Variants in CLCN4 observed in about 807,000 individuals in gnomAD.
CLCN4 encodes Cl-/H+ antiporter 4, also known as H(+)/Cl(-) exchange transporter 4.
A neutral mutation model predicts 41.7 loss-of-function variants in CLCN4; 1 was observed. The ratio of observed to expected loss-of-function variants is 0.02; its 90% CI spans 0.01 to 0.11. CLCN4 has a LOEUF of 0.11. Among genes scored for constraint, CLCN4 ranks in the 10% least tolerant of loss-of-function variants. The pLI is 1.00. For synonymous variants in CLCN4, 277 were observed against 285.8 expected (o/e 0.97, Z 0.31); for missense variants, 287 against 661.0 (o/e 0.43, Z 6.20).
intron 6 of CLCN4, among the ~76,000 whole-genome samples, chrX:10,199,998 G>C (rs554041325): frequency 9.0e-6 from 1 of 111,434 alleles, no homozygotes; most frequent in East Asian, 2.8e-4. Flanking sequence ...TGATCCATCC[G>C]CCTCGGCCTC....
At chrX:10,177,067 TTCGTACAGC>T (rs1370006224) in intron 2 of CLCN4, among the ~76,000 whole-genome samples, 1 of 112,813 alleles carries the variant, frequency 8.9e-6, no homozygotes, top group Admixed American at 9.3e-5. Context: ...ACTGCCTGCT[TTCGTACAGC>T]TTATGAGCTA....
At chrX:10,218,437 G>T (rs931036371) in intron 11 of CLCN4, among the ~76,000 whole-genome samples, 1 of 111,962 alleles carries the variant, frequency 8.9e-6, no homozygotes, top group African/African-American at 3.3e-5. Flanking sequence ...CATCCCCTGG[G>T]TGAGGAGTTA....
At chrX:10,175,953 T>C (rs560583123) in intron 2 of CLCN4, among the ~76,000 whole-genome samples, 6,466 of 51,585 alleles carry the variant, frequency 0.13, 251 homozygotes, top group East Asian at 0.26. Context: ...TCCCTCTCTC[T>C]CTCTCTCTCT....
At chrX:10,215,874 A>G (rs991021365) in intron 11 of CLCN4, among the ~76,000 whole-genome samples, 1 of 111,983 alleles carries the variant, frequency 8.9e-6, no homozygotes, top group African/African-American at 3.2e-5. Context: ...TGTAAATACT[A>G]CCTATATGCT....
At position 10,158,425 on chromosome X, in the gene CLCN4, G is replaced by T. The variant is rs866128637; in HGVS notation, c.-138G>T. 1.9e-3 allele frequency: 565 copies of T among 296,817 alleles called. 3 individuals carry two copies. Among genetic ancestry groups the T allele is most frequent in the African/African-American group, 0.014 (518 of 36,930 alleles). The allele number at this position is 296,817 out of a possible 1,213,427, so 24.5% of individuals were successfully genotyped here. On this transcript the variant is annotated 5_prime_UTR_variant, in exon 2 of 13. Coordinates refer to ENST00000380833, the MANE Select transcript of CLCN4 (RefSeq NM_001830.4). ...GCACACCTCCCTGCCTCGCCCCGAG[G>T]GCGTCACGTGGCAGCGTGGGGCCCG...
intron 2 of CLCN4, among the ~76,000 whole-genome samples, chrX:10,171,107 C>T (rs1315546492): frequency 9.0e-6 from 1 of 111,695 alleles, no homozygotes; most frequent in East Asian, 2.8e-4. Flanking sequence ...AGGCTGGTCT[C>T]GAGCTCCTGA....
intron 2 of CLCN4, among the ~76,000 whole-genome samples, chrX:10,159,017 C>T (rs1417908919): frequency 8.9e-6 from 1 of 112,765 alleles, no homozygotes; most frequent in Non-Finnish European, 1.9e-5. Context: ...AAAGCAAAAG[C>T]GGGCTGGGGA....
At chrX:10,162,086 T>C (rs1403638045) in intron 2 of CLCN4, among the ~76,000 whole-genome samples, 1 of 100,962 alleles carries the variant, frequency 9.9e-6, no homozygotes, top group East Asian at 3.5e-4. Flanking sequence ...GGTAGCGATC[T>C]CAGCTCACTG....
At chrX:10,161,355 G>C (rs968473855) in intron 2 of CLCN4, among the ~76,000 whole-genome samples, 12 of 111,930 alleles carry the variant, frequency 1.1e-4, no homozygotes, top group Admixed American at 9.4e-5. Flanking sequence ...GGGCAGGCCT[G>C]TCACGCTCCT....
At chrX:10,214,787 G>A (rs774867755) in intron 11 of CLCN4, among the ~76,000 whole-genome samples, 1 of 112,081 alleles carries the variant, frequency 8.9e-6, no homozygotes, top group African/African-American at 3.2e-5. Context: ...ACGACAGGTG[G>A]ATCAGAGAAG....
intron 2 of CLCN4, among the ~76,000 whole-genome samples, chrX:10,171,396 T>C (rs969041664): frequency 1.8e-5 from 2 of 112,102 alleles, no homozygotes; most frequent in African/African-American, 6.5e-5. Flanking sequence ...TAAAATGCCA[T>C]GTGATGCTGC....
chrX:10,167,530 T>C (rs940567133), intron 2 of CLCN4, among the ~76,000 whole-genome samples: 4 of 111,962 alleles, frequency 3.6e-5, no homozygotes, highest in Admixed American at 9.4e-5. Context: ...GTGTCACCAA[T>C]AGGATACCGT....
intron 2 of CLCN4, among the ~76,000 whole-genome samples, chrX:10,182,672 C>T (rs1008303891): frequency 2.7e-5 from 3 of 112,320 alleles, no homozygotes; most frequent in African/African-American, 3.2e-5. Context: ...GTGATCCACC[C>T]GCCTCGGCCT....
chrX:10,157,067 G>A lies in CLCN4; in HGVS notation c.-308G>A, dbSNP rs1922971141. On this transcript the variant is annotated 5_prime_UTR_variant, in exon 1 of 13. Transcript: ENST00000380833. ...CAAAGGAGCAGGAGATTTCGGTAGC[G>A]TTTTAACTTTATCTCAGAATCTGAA... 3.4e-6 allele frequency: 1 copy of A among 296,824 alleles called. No individual in the cohort carries two copies. Among genetic ancestry groups the A allele is most frequent in the Admixed American group, 6.1e-5 (1 of 16,391 alleles). 24.5% of individuals were successfully genotyped at this position (296,824 alleles called of 1,213,427 possible). A position where few individuals can be genotyped will look rare whatever the true frequency, so the allele number is the denominator to read the frequency against.
intron 2 of CLCN4, among the ~76,000 whole-genome samples, chrX:10,180,016 G>A (rs762354505): frequency 8.9e-6 from 1 of 112,165 alleles, no homozygotes; most frequent in African/African-American, 3.2e-5. Flanking sequence ...ATGAACATCA[G>A]AATATAGAGG....
intron 12 of CLCN4, among the ~76,000 whole-genome samples, chrX:10,223,428 A>G (rs913829836): frequency 9.0e-6 from 1 of 111,095 alleles, no homozygotes; most frequent in Non-Finnish European, 1.9e-5. Context: ...GCAAAATCGC[A>G]CTCTCTCTCG....
At chrX:10,209,825 A>T (rs908714703) in intron 9 of CLCN4, among the ~76,000 whole-genome samples, 2 of 107,238 alleles carry the variant, frequency 1.9e-5, no homozygotes, top group Non-Finnish European at 3.9e-5. Context: ...TTTTGTTATT[A>T]TAGCTTTTTT....
intron 2 of CLCN4, among the ~76,000 whole-genome samples, chrX:10,175,917 T>TCTCTCTCCCCCTCCCTCC (rs1923513049): frequency 6.2e-5 from 4 of 64,230 alleles, no homozygotes; most frequent in Non-Finnish European, 1.1e-4. Context: ...TCCCTCCCTC[T>TCTCTCTCCCCCTCCCTCC]CTCTCTCTCT....
chrX:10,194,813 C>T, intron 4 of CLCN4, 98 bp from the exon 5 acceptor site: 1 of 794,552 alleles, frequency 1.3e-6, no homozygotes, highest in Admixed American at 2.5e-5. Context: ...GAATCTGGGC[C>T]ATCATTGCTG....
Sources: gnomAD v4.1 joint callset for allele counts (sites outside exome capture counted in the v4.1 genomes callset) on GRCh38, gnomAD v4.1.1 for gene constraint, MANE v1.5 for transcripts, NCBI Gene and HGNC (gene_info 2026-07-23, HGNC 2026-07-21) for gene names.